CREB5: variants seen among roughly 807,000 people sequenced by gnomAD.
CREB5 encodes cyclic AMP-responsive element-binding protein 5.
Under a neutral mutation model 57.1 loss-of-function variants are expected in CREB5, and 19 were observed. That is an observed-to-expected ratio of 0.33 (90% CI 0.23 to 0.49). The LOEUF (loss-of-function observed/expected upper bound fraction) is 0.49. Ranked by LOEUF, CREB5 falls within the 20% of genes least tolerant of loss-of-function variation. The probability of loss-of-function intolerance (pLI) is 0.99; values close to 1 mark genes in which losing one functional copy is unlikely to be tolerated. For missense variants in CREB5, 579 were observed against 671.6 expected (o/e 0.86, Z 1.52); for synonymous variants, 238 against 238.3 (o/e 1.00, Z 0.01).
At chr7:28,660,381 G>GTT (rs10696255) in intron 5 of CREB5, among the ~76,000 whole-genome samples, 9,111 of 119,088 alleles carry the variant, frequency 0.077, 1,172 homozygotes, top group African/African-American at 0.24. Flanking sequence ...GCATTCAACA[G>GTT]TTTTTTTTTT....
chr7:28,310,257 G>A (rs764343113), intron 1 of CREB5, among the ~76,000 whole-genome samples: 2 of 152,222 alleles, frequency 1.3e-5, no homozygotes, highest in Non-Finnish European at 2.9e-5. Context: ...TACTCAGAAT[G>A]AGCAAAGGAA....
At chr7:28,499,744 C>T (rs555520236) in intron 3 of CREB5, among the ~76,000 whole-genome samples, 3 of 152,252 alleles carry the variant, frequency 2.0e-5, no homozygotes, top group African/African-American at 4.8e-5. Context: ...CCACCACACT[C>T]GGCTAATTTT....
At chr7:28,795,613 TA>T (rs1807983927) in intron 7 of CREB5, among the ~76,000 whole-genome samples, 1 of 152,226 alleles carries the variant, frequency 6.6e-6, no homozygotes, top group Admixed American at 6.5e-5. Flanking sequence ...TCATAATGAA[TA>T]TTAGTAAGTC....
At chr7:28,607,786 TGTGTGTG>T (rs1222337411) in intron 5 of CREB5, among the ~76,000 whole-genome samples, 1 of 130,442 alleles carries the variant, frequency 7.7e-6, no homozygotes, top group Non-Finnish European at 1.7e-5. Flanking sequence ...TGTGTGTGTG[TGTGTGTG>T]TTTTACCATG....
intron 5 of CREB5, among the ~76,000 whole-genome samples, chr7:28,593,441 GT>G (rs1796594362): frequency 6.6e-6 from 1 of 152,064 alleles, no homozygotes; most frequent in African/African-American, 2.4e-5. Flanking sequence ...TGGAGATGGG[GT>G]TTTACCATGT....
At chr7:28,661,027 T>C (rs1327798329) in intron 5 of CREB5, among the ~76,000 whole-genome samples, 1 of 152,082 alleles carries the variant, frequency 6.6e-6, no homozygotes, top group Non-Finnish European at 1.5e-5. Flanking sequence ...CGAGCACTTT[T>C]TCAGCTTTTA....
chr7:28,750,277 C>T (rs937233484), intron 7 of CREB5, among the ~76,000 whole-genome samples: 1 of 152,162 alleles, frequency 6.6e-6, no homozygotes, highest in African/African-American at 2.4e-5. Context: ...CATCCTGCCT[C>T]GCCCTTGGGG....
In CREB5 at chr7:28,787,373, G is replaced by A. The variant is rs949891164; in HGVS notation, c.703-16826G>A. The stretch of plus-strand genomic sequence containing the variant: ...TGCCAGACTAGTCCCTAGGGCAGCA[G>A]AGAAAGCCTGGACTGGCAGTCAGGA... On this transcript the variant is annotated intron_variant, in intron 7 of 10. Coordinates refer to ENST00000357727, the MANE Select transcript of CREB5 (RefSeq NM_182898.4). 5.3e-5 allele frequency among the ~76,000 whole-genome samples: 8 copies of A among 152,344 alleles called. No individual in the cohort carries two copies. The South Asian group carries it at 1.4e-3, about 28-fold the overall frequency.
intron 1 of CREB5, among the ~76,000 whole-genome samples, chr7:28,462,663 A>G (rs564989041): frequency 2.0e-5 from 3 of 152,318 alleles, no homozygotes; most frequent in African/African-American, 7.2e-5. Flanking sequence ...CCTAGTGACT[A>G]CTGATGTTGA....
intron 7 of CREB5, among the ~76,000 whole-genome samples, chr7:28,790,623 TCAGAC>T (rs1455258827): frequency 6.6e-6 from 1 of 152,226 alleles, no homozygotes; most frequent in Non-Finnish European, 1.5e-5. Flanking sequence ...CATCAGTTAG[TCAGAC>T]CAGAACCAAG....
intron 1 of CREB5, among the ~76,000 whole-genome samples, chr7:28,388,376 C>T (rs578095078): frequency 1.4e-4 from 21 of 152,244 alleles, no homozygotes; most frequent in Admixed American, 3.3e-4. Context: ...TGTAAGGTCT[C>T]GGTTCAATTC....
chr7:28,416,482 C>A (rs1788030748), intron 1 of CREB5, among the ~76,000 whole-genome samples: 1 of 152,190 alleles, frequency 6.6e-6, no homozygotes, highest in Non-Finnish European at 1.5e-5. Flanking sequence ...TGGCTTCTGA[C>A]TGGCCAGGTA....
chr7:28,581,196 C>T (rs1221857037), intron 5 of CREB5, among the ~76,000 whole-genome samples: 2 of 152,182 alleles, frequency 1.3e-5, no homozygotes, highest in South Asian at 2.1e-4. Context: ...TTTACTTTTT[C>T]CCAATGTGTT....
intron 5 of CREB5, among the ~76,000 whole-genome samples, chr7:28,587,533 C>T (rs1361739391): frequency 8.8e-6 from 1 of 113,150 alleles, no homozygotes; most frequent in Non-Finnish European, 1.7e-5. Context: ...CTAAGCAGAC[C>T]ATTGTGGAGG....
intron 5 of CREB5, among the ~76,000 whole-genome samples, chr7:28,665,165 T>G (rs1408752066): frequency 6.6e-6 from 1 of 152,176 alleles, no homozygotes; most frequent in African/African-American, 2.4e-5. Context: ...GCTTGACCTC[T>G]GCTGCTGGGT....
At chr7:28,742,207 T>G (rs1172581347) in intron 7 of CREB5, among the ~76,000 whole-genome samples, 1 of 152,074 alleles carries the variant, frequency 6.6e-6, no homozygotes, top group East Asian at 1.9e-4. Flanking sequence ...ACAGAAGGAT[T>G]AAATCTACCC....
At chr7:28,492,474 C>T (rs1791848914) in intron 2 of CREB5, among the ~76,000 whole-genome samples, 1 of 152,070 alleles carries the variant, frequency 6.6e-6, no homozygotes, top group Non-Finnish European at 1.5e-5. Context: ...CTATTGCAGA[C>T]TGTATATTTT....
At chr7:28,444,566 C>T (rs2128562548) in intron 1 of CREB5, among the ~76,000 whole-genome samples, 1 of 152,282 alleles carries the variant, frequency 6.6e-6, no homozygotes, top group Middle Eastern at 3.4e-3. Context: ...AAGACTCTTC[C>T]ACTGGCCTCT....
chr7:28,309,341 C>T (rs573601872), intron 1 of CREB5, among the ~76,000 whole-genome samples: 13 of 152,308 alleles, frequency 8.5e-5, no homozygotes, highest in East Asian at 5.8e-4. Context: ...GTGAAATTAA[C>T]GCACCTAGAA....
Sources: allele counts gnomAD v4.1 joint callset (sites outside exome capture counted in the v4.1 genomes callset), GRCh38; gene constraint gnomAD v4.1.1; transcripts MANE v1.5; gene names NCBI Gene and HGNC (gene_info 2026-07-23, HGNC 2026-07-21).